The following PLEKHG1 variants were observed in gnomAD, a reference collection of about 807,000 sequenced individuals.
The protein encoded by PLEKHG1 is pleckstrin homology domain-containing family G member 1.
A neutral mutation model predicts 100.8 loss-of-function variants in PLEKHG1; 44 were observed. The ratio of observed to expected loss-of-function variants is 0.44; its 90% CI spans 0.34 to 0.56. The LOEUF (loss-of-function observed/expected upper bound fraction) is 0.56, where lower values mean the gene tolerates loss of function less well. Ranked by LOEUF, PLEKHG1 falls within the 20% of genes least tolerant of loss-of-function variation. The probability of loss-of-function intolerance (pLI) is 0.01; values close to 1 mark genes in which losing one functional copy is unlikely to be tolerated. For missense variants in PLEKHG1, 1,545 were observed against 1,720.9 expected (o/e 0.90, Z 1.81); for synonymous variants, 640 against 662.5 (o/e 0.97, Z 0.52).
At chr6:150,817,413 A>T (rs1201959818) in intron 10 of PLEKHG1, among the ~76,000 whole-genome samples, 1 of 152,162 alleles carries the variant, frequency 6.6e-6, no homozygotes, top group African/African-American at 2.4e-5. Flanking sequence ...CAATGAGAGG[A>T]AACTTCCAGC....
At chr6:150,843,468 T>C (rs948961375) in exon 16 of PLEKHG1, 3 of 152,216 alleles carry the variant, frequency 2.0e-5, no homozygotes, top group Non-Finnish European at 4.4e-5. Flanking sequence ...AAAAGTTATA[T>C]GTACTTTAAA....
chr6:150,633,638 G>C (rs1452100450), intron 1 of PLEKHG1, among the ~76,000 whole-genome samples: 1 of 152,194 alleles, frequency 6.6e-6, no homozygotes. Context: ...TGGTGCAGAG[G>C]GTAGAAGCCT....
chr6:150,760,088 A>AT lies in PLEKHG1; in HGVS notation c.412-8543dup, dbSNP rs374419278. Among the ~76,000 whole-genome samples, 10 of 152,228 alleles carry AT rather than the reference A, an allele frequency of 6.6e-5. No individual in the cohort carries two copies. In the East Asian group the frequency reaches 7.7e-4, roughly 12 times the overall value. ...GTAATAATGTACATTTATTTTACTG[A>AT]TTTTTTTCCCCATATTAAAAACCCT... On this transcript the variant is annotated intron_variant, in intron 2 of 15. Transcript: ENST00000358517.
chr6:150,634,747 A>C (rs2128563690), intron 1 of PLEKHG1, among the ~76,000 whole-genome samples: 1 of 152,364 alleles, frequency 6.6e-6, no homozygotes, highest in East Asian at 1.9e-4. Context: ...AAAACAATTG[A>C]ACAATAAATC....
intron 14 of PLEKHG1, among the ~76,000 whole-genome samples, chr6:150,826,659 C>CATTT (rs943006810): frequency 2.6e-5 from 4 of 151,908 alleles, no homozygotes; most frequent in Non-Finnish European, 5.9e-5. Flanking sequence ...TTTTTTTAAA[C>CATTT]ATTTATTTAT....
chr6:150,787,523 T>C (rs1332249121), intron 4 of PLEKHG1, among the ~76,000 whole-genome samples: 2 of 152,234 alleles, frequency 1.3e-5, no homozygotes, highest in Non-Finnish European at 2.9e-5. Context: ...CAAACTTTCA[T>C]GTGGTTTCTG....
At chr6:150,674,607 C>T (rs527332677) in intron 3 of PLEKHG1, among the ~76,000 whole-genome samples, 1 of 135,612 alleles carries the variant, frequency 7.4e-6, no homozygotes, top group Non-Finnish European at 1.6e-5. Flanking sequence ...TGCCAGATTA[C>T]ACCTGTAACT....
intron 1 of PLEKHG1, among the ~76,000 whole-genome samples, chr6:150,727,458 A>T (rs989860127): frequency 1.3e-5 from 2 of 152,118 alleles, no homozygotes; most frequent in African/African-American, 4.8e-5. Context: ...AAATAATGGA[A>T]GTTGGAAGAG....
chr6:150,658,277 T>G lies in PLEKHG1; in HGVS notation c.-99+7491T>G, dbSNP rs973157838. The stretch of plus-strand genomic sequence containing the variant: ...TGTGATAAAAACTTTTAGAGTTAAG[T>G]AGGGTATTAAAGCAATCATTGTGTT... On this transcript the variant is annotated intron_variant, in intron 3 of 3. Transcript: ENST00000367326. 3.3e-5 allele frequency among the ~76,000 whole-genome samples: 5 copies of G among 152,292 alleles called. No individual in the cohort carries two copies. The South Asian group carries it at 1.0e-3, about 32-fold the overall frequency.
In PLEKHG1 at chr6:150,840,752, T is replaced by G. The variant is rs775592044; in HGVS notation, c.4014T>G (p.Leu1338=). The change falls in exon 16 of 16, where the codon CTT becomes CTG. Residue 1338 remains leucine (L), a synonymous_variant. Transcript: ENST00000358517. Reference sequence around the variant, plus strand: ...CAAAAAAGCCGGTTAACAGCAAACTTGGCCTTTCACCATATCTGACACCAT... The same window carrying G: ...CAAAAAAGCCGGTTAACAGCAAACTGGGCCTTTCACCATATCTGACACCAT... The G allele has an allele frequency of 8.1e-6, 13 of 1,614,082 alleles. No individual in the cohort carries two copies. In the South Asian group the frequency reaches 1.4e-4, roughly 18 times the overall value.
At chr6:150,788,167 A>G (rs748462598) in intron 4 of PLEKHG1, among the ~76,000 whole-genome samples, 1 of 152,208 alleles carries the variant, frequency 6.6e-6, no homozygotes, top group Non-Finnish European at 1.5e-5. Context: ...CTTCCTTTTC[A>G]TTGTAATATT....
chr6:150,754,430 T>C lies in PLEKHG1; in HGVS notation c.412-14208T>C, dbSNP rs112501511. Among the ~76,000 whole-genome samples the C allele has an allele frequency of 3.2e-3, 489 of 152,222 alleles. 3 individuals carry two copies. The highest frequency in any genetic ancestry group is 0.011 in the African/African-American group (461 of 41,526). ...ATCAAATTTGCGTTTTAGAAAATCA[T>C]GTTAGATAGGTTTGAAAAGTTGTGG... On this transcript the variant is annotated intron_variant, in intron 2 of 15. Transcript: ENST00000358517.
chr6:150,805,213 G>C (rs1355001635), intron 7 of PLEKHG1, among the ~76,000 whole-genome samples: 1 of 152,076 alleles, frequency 6.6e-6, no homozygotes, highest in South Asian at 2.1e-4. Flanking sequence ...GGGATTACAG[G>C]CATGAGCCAC....
intron 3 of PLEKHG1, among the ~76,000 whole-genome samples, chr6:150,698,368 C>T (rs987686022): frequency 6.6e-6 from 1 of 152,110 alleles, no homozygotes; most frequent in Non-Finnish European, 1.5e-5. Flanking sequence ...TCAAGCGGTA[C>T]CTCAGGTTAT....
At chr6:150,786,154 G>A (rs933607649) in intron 3 of PLEKHG1, among the ~76,000 whole-genome samples, 2 of 152,140 alleles carry the variant, frequency 1.3e-5, no homozygotes, top group African/African-American at 4.8e-5. Flanking sequence ...AAGATAGGCA[G>A]GGCTTAGCTC....
At chr6:150,723,552 A>G (rs1345097233) in intron 1 of PLEKHG1, among the ~76,000 whole-genome samples, 2 of 152,178 alleles carry the variant, frequency 1.3e-5, no homozygotes, top group Non-Finnish European at 2.9e-5. Flanking sequence ...TCATAGTTCA[A>G]CTTTGAGCAT....
chr6:150,765,885 T>C (rs943693471), intron 2 of PLEKHG1, among the ~76,000 whole-genome samples: 1 of 152,232 alleles, frequency 6.6e-6, no homozygotes, highest in African/African-American at 2.4e-5. Context: ...TGTCTGTACT[T>C]ATCTCCTTGT....
intron 4 of PLEKHG1, 77 bp from the exon 6 acceptor site, chr6:150,795,779 T>A (rs1220338914): frequency 1.2e-6 from 1 of 845,742 alleles, no homozygotes; most frequent in Non-Finnish European, 2.0e-6. Context: ...CCGAATGCTA[T>A]TTCTTTTTAT....
At chr6:150,606,287 A>C (rs80048342) in intron 1 of PLEKHG1, among the ~76,000 whole-genome samples, 1 of 152,230 alleles carries the variant, frequency 6.6e-6, no homozygotes, top group Non-Finnish European at 1.5e-5. Flanking sequence ...CTTAATGCAC[A>C]TAAATGCCAT....
Sources: gnomAD v4.1 joint callset for allele counts (sites outside exome capture counted in the v4.1 genomes callset) on GRCh38, gnomAD v4.1.1 for gene constraint, MANE v1.5 for transcripts, NCBI Gene and HGNC (gene_info 2026-07-23, HGNC 2026-07-21) for gene names.